The following KIF1B variants were observed in gnomAD, a reference collection of about 807,000 sequenced individuals.
KIF1B encodes the protein kinesin family member 1B.
In KIF1B, 76 loss-of-function variants were observed where a neutral mutation model predicts 241.9. The observed-to-expected ratio is 0.31, with a 90% CI of 0.26 to 0.38. The LOEUF is 0.38. Ranked by LOEUF, KIF1B falls within the 10% of genes least tolerant of loss-of-function variation. The pLI, the probability that KIF1B is intolerant of heterozygous loss-of-function variation, is 1.00. For missense variants in KIF1B, 1,622 were observed against 2,271.4 expected (o/e 0.71, Z 5.81); for synonymous variants, 750 against 796.7 (o/e 0.94, Z 0.99).
In KIF1B at chr1:10,380,189, T is replaced by C; in HGVS notation, c.*3602T>C. The C allele has an allele frequency of 4.6e-6, 1 of 216,460 alleles. No homozygotes were observed. Among genetic ancestry groups the C allele is most frequent in the Non-Finnish European group, 9.3e-6 (1 of 107,142 alleles). 13.4% of individuals were successfully genotyped at this position (216,460 alleles called of 1,614,324 possible). On this transcript the variant is annotated 3_prime_UTR_variant, in exon 49 of 49. Transcript: ENST00000676179. Reference sequence around the variant, plus strand: ...GCTTATTGTCTAATTTACAGGGATATTTAATTTTGTCAGGTCTATGTATAT... The same window carrying C: ...GCTTATTGTCTAATTTACAGGGATACTTAATTTTGTCAGGTCTATGTATAT...
At chr1:10,350,668 T>C (rs137924141) in intron 37 of KIF1B, among the ~76,000 whole-genome samples, 1 of 152,248 alleles carries the variant, frequency 6.6e-6, no homozygotes. Flanking sequence ...GTTTATTGCC[T>C]TCCTTTGTGA....
chr1:10,315,058 G>A (rs1651240713), intron 22 of KIF1B, among the ~76,000 whole-genome samples: 1 of 149,038 alleles, frequency 6.7e-6, no homozygotes, highest in African/African-American at 2.5e-5. Flanking sequence ...AAACTATAAT[G>A]AACTTTTGTA....
chr1:10,305,100 TAAC>T, intron 22 of KIF1B: 1 of 1,066,872 alleles, frequency 9.4e-7, no homozygotes, highest in Non-Finnish European at 1.1e-6. Context: ...TTAAAAATAA[TAAC>T]ATGCAACTGG....
At chr1:10,302,309 T>TA (rs201163386) in intron 22 of KIF1B, among the ~76,000 whole-genome samples, 1,694 of 151,126 alleles carry the variant, frequency 0.011, 25 homozygotes, top group Admixed American at 0.036. Context: ...GAGGATCCTT[T>TA]AAAAAAAAAG....
At chr1:10,323,091 G>C (rs1438272740) in intron 24 of KIF1B, among the ~76,000 whole-genome samples, 2 of 151,978 alleles carry the variant, frequency 1.3e-5, no homozygotes, top group Non-Finnish European at 2.9e-5. Flanking sequence ...CAAACTCCTG[G>C]GCTCAAGTGA....
At chr1:10,215,172 A>ATATATATATTTT (rs1377684765) in intron 1 of KIF1B, among the ~76,000 whole-genome samples, 4 of 45,360 alleles carry the variant, frequency 8.8e-5, no homozygotes, top group African/African-American at 3.0e-4. Flanking sequence ...ATATATATAT[A>ATATATATATTTT]TTTTTTTTTT....
intron 24 of KIF1B, among the ~76,000 whole-genome samples, chr1:10,322,232 G>C (rs1651552279): frequency 6.6e-6 from 1 of 152,014 alleles, no homozygotes; most frequent in African/African-American, 2.4e-5. Context: ...CCATTGATCT[G>C]CTTCTCCTCT....
chr1:10,291,702 T>C (rs1410761863), intron 16 of KIF1B, among the ~76,000 whole-genome samples: 2 of 143,392 alleles, frequency 1.4e-5, no homozygotes, highest in Non-Finnish European at 3.1e-5. Context: ...ACAGCAAGAC[T>C]CTGTCTCAAA....
chr1:10,343,769 A>T (rs1308687388), intron 34 of KIF1B, among the ~76,000 whole-genome samples: 1 of 151,890 alleles, frequency 6.6e-6, no homozygotes, highest in Admixed American at 6.6e-5. Flanking sequence ...AAAACAATAT[A>T]AAATAAAATA....
At chr1:10,355,796 A>C (rs1185387754) in intron 38 of KIF1B, among the ~76,000 whole-genome samples, 5 of 152,206 alleles carry the variant, frequency 3.3e-5, no homozygotes, top group Non-Finnish European at 7.3e-5. Context: ...CAGTCTTGCA[A>C]AACTGTTCAC....
At chr1:10,266,962 T>TA (rs34911647) in intron 5 of KIF1B, among the ~76,000 whole-genome samples, 45,189 of 151,894 alleles carry the variant, frequency 0.3, 6,755 homozygotes, top group Admixed American at 0.33. Context: ...TAATAAAAGT[T>TA]AAAAAAATTT....
At chr1:10,357,275 G>A (rs745941828) in intron 38 of KIF1B, among the ~76,000 whole-genome samples, 1 of 152,206 alleles carries the variant, frequency 6.6e-6, no homozygotes, top group Non-Finnish European at 1.5e-5. Flanking sequence ...TGATGCTGCT[G>A]CTGTTCAGAA....
At chr1:10,339,559 G>T (rs1437196552) in intron 31 of KIF1B, among the ~76,000 whole-genome samples, 1 of 152,168 alleles carries the variant, frequency 6.6e-6, no homozygotes, top group Non-Finnish European at 1.5e-5. Context: ...AGTGATCAGG[G>T]TCAGTTAATT....
In KIF1B at chr1:10,324,778, G is replaced by A. The variant is rs752039135; in HGVS notation, c.2558G>A (p.Arg853Gln). The A allele has an allele frequency of 4.3e-6, 7 of 1,613,902 alleles. No individual in the cohort carries two copies. Among genetic ancestry groups the A allele is most frequent in the African/African-American group, 2.7e-5 (2 of 74,882 alleles). Residue 853 changes from arginine (R) to glutamine (Q), a missense_variant, in exon 26 of 49, where the codon CGA becomes CAA. Physicochemically the swap from Arg to Gln is conservative, Grantham distance 43. Coordinates refer to ENST00000676179, the MANE Select transcript of KIF1B (RefSeq NM_001365951.3). ...AATAGGCAGAGGCTGGATTTGATGC[G>A]AGAGATGTATGATAGGGCAGGGGAG... is the stretch of plus-strand genomic sequence containing the variant. ...EKLKQRLDLM[R>Q]EMYDRAGEMA... is the part of the protein sequence containing the mutation.
rs1648531610 is a variant in KIF1B at position 10,267,487 on chromosome 1, G to A, written c.537G>A (p.Glu179=). The A allele has an allele frequency of 6.2e-7, 1 of 1,614,070 alleles. No individual in the cohort carries two copies. The highest frequency in any genetic ancestry group is 1.7e-5 in the Admixed American group (1 of 60,006). Residue 179 remains glutamate (E), a synonymous_variant, in exon 6 of 49, where the codon GAG becomes GAA. Coordinates refer to ENST00000676179, the MANE Select transcript of KIF1B (RefSeq NM_001365951.3). ...REHPLLGPYV[E]DLSKLAVTSY... ...ACCCACTTCTTGGACCCTATGTGGA[G>A]GATCTGTCCAAGTTGGCAGTTACTT...
intron 2 of KIF1B, among the ~76,000 whole-genome samples, chr1:10,237,496 T>G (rs1647071800): frequency 6.6e-6 from 1 of 152,226 alleles, no homozygotes; most frequent in Non-Finnish European, 1.5e-5. Flanking sequence ...CTCTTGCCCT[T>G]TGGTGAATTT....
At chr1:10,260,102 A>G (rs1435551555) in intron 4 of KIF1B, among the ~76,000 whole-genome samples, 1 of 152,226 alleles carries the variant, frequency 6.6e-6, no homozygotes, top group Non-Finnish European at 1.5e-5. Context: ...CATAGAGTGT[A>G]CTTACACAAA....
At chr1:10,335,589 C>G (rs1049287049) in intron 28 of KIF1B, among the ~76,000 whole-genome samples, 1 of 152,126 alleles carries the variant, frequency 6.6e-6, no homozygotes, top group African/African-American at 2.4e-5. Flanking sequence ...TCATTATTAA[C>G]AAAGGATTGT....
intron 15 of KIF1B, among the ~76,000 whole-genome samples, chr1:10,282,978 G>A (rs543875191): frequency 0.01 from 1,580 of 152,004 alleles, 10 homozygotes; most frequent in Non-Finnish European, 0.018. Flanking sequence ...AGGCCGAGGC[G>A]GGGTGGATCA....
Sources: gnomAD v4.1 joint callset for allele counts (sites outside exome capture counted in the v4.1 genomes callset) on GRCh38, gnomAD v4.1.1 for gene constraint, MANE v1.5 for transcripts, NCBI Gene and HGNC (gene_info 2026-07-23, HGNC 2026-07-21) for gene names.